Variants in FAM83B observed in about 807,000 individuals in gnomAD.
FAM83B encodes protein FAM83B.
A neutral mutation model predicts 38.8 loss-of-function variants in FAM83B; 26 were observed. That is an observed-to-expected ratio of 0.67 (90% confidence interval 0.49 to 0.93). The LOEUF is 0.93. FAM83B is among the 40% of genes least tolerant of loss of function. The pLI, the probability that FAM83B is intolerant of heterozygous loss-of-function variation, is 0.00. For missense variants in FAM83B, 1,237 were observed against 1,197.3 expected (o/e 1.03, Z -0.49); for synonymous variants, 419 against 423.1 (o/e 0.99, Z 0.12).
chr6:54,847,991 G>C (rs1771180762), intron 1 of FAM83B, among the ~76,000 whole-genome samples: 1 of 151,956 alleles, frequency 6.6e-6, no homozygotes, highest in African/African-American at 2.4e-5. Context: ...AAGTGCAAGA[G>C]CCCCGAGGAA....
intron 2 of FAM83B, among the ~76,000 whole-genome samples, chr6:54,914,976 A>G (rs1773001801): frequency 6.6e-6 from 1 of 152,190 alleles, no homozygotes; most frequent in Non-Finnish European, 1.5e-5. Flanking sequence ...ATTCTAAGGC[A>G]GACTTTTTCT....
chr6:54,846,674 G>A (rs926974976), upstream of FAM83B: 1 of 152,194 alleles, frequency 6.6e-6, no homozygotes, highest in East Asian at 1.9e-4. Flanking sequence ...GGCGCGGTTC[G>A]AGCCGGAATC....
chr6:54,867,692 T>C (rs955865611), intron 1 of FAM83B, among the ~76,000 whole-genome samples: 3 of 152,094 alleles, frequency 2.0e-5, no homozygotes, highest in Non-Finnish European at 4.4e-5. Flanking sequence ...AGGTCTGTGA[T>C]TTCAGAGTTT....
intron 2 of FAM83B, among the ~76,000 whole-genome samples, chr6:54,879,490 G>A (rs1392224983): frequency 6.6e-6 from 1 of 152,170 alleles, no homozygotes; most frequent in Non-Finnish European, 1.5e-5. Flanking sequence ...GAGAAACTGG[G>A]AAGGGGTCAC....
chr6:54,923,183 A>G (rs910827876), intron 2 of FAM83B, among the ~76,000 whole-genome samples: 7 of 152,078 alleles, frequency 4.6e-5, no homozygotes, highest in South Asian at 2.1e-4. Flanking sequence ...CTATATTAAC[A>G]TGTATATTTT....
chr6:54,883,636 G>GTAACAATACTTTTTTCAGT (rs1772195375), intron 2 of FAM83B, among the ~76,000 whole-genome samples: 1 of 151,632 alleles, frequency 6.6e-6, no homozygotes, highest in Non-Finnish European at 1.5e-5. Flanking sequence ...GCACCTGGCC[G>GTAACAATACTTTTTTCAGT]ATTGTTTAAA....
chr6:54,893,858 A>G (rs1313374988), intron 2 of FAM83B, among the ~76,000 whole-genome samples: 1 of 152,182 alleles, frequency 6.6e-6, no homozygotes, highest in East Asian at 1.9e-4. Context: ...TATAGTGCAC[A>G]TGTATGTATG....
chr6:54,922,854 C>T (rs1252339447), intron 2 of FAM83B, among the ~76,000 whole-genome samples: 1 of 152,000 alleles, frequency 6.6e-6, no homozygotes, highest in African/African-American at 2.4e-5. Context: ...TGCCATTTGC[C>T]TATTCTCAGG....
intron 4 of FAM83B, among the ~76,000 whole-genome samples, chr6:54,927,993 G>A (rs2127589046): frequency 6.6e-6 from 1 of 152,238 alleles, no homozygotes; most frequent in African/African-American, 2.4e-5. Flanking sequence ...AAAAACAGAA[G>A]CTATTTACCA....
Position 54,870,190 on chromosome 6 carries a change from C to A in FAM83B, c.-57C>A. On this transcript the variant is annotated 5_prime_UTR_variant, in exon 2 of 5. Transcript: ENST00000306858. Reference sequence around the variant, plus strand: ...TTTTCTTCTTTTCAAATACCAGATACTTCTCACCACTGCATGAATGGACAT... The same window carrying A: ...TTTTCTTCTTTTCAAATACCAGATAATTCTCACCACTGCATGAATGGACAT... 1 of 1,332,502 alleles carries A rather than the reference C, an allele frequency of 7.5e-7. No homozygotes were observed. Among genetic ancestry groups the A allele is most frequent in the Admixed American group, 1.9e-5 (1 of 52,156 alleles). The allele number at this position is 1,332,502 out of a possible 1,614,324, so 82.5% of individuals were successfully genotyped here. A position where few individuals can be genotyped will look rare whatever the true frequency, so the allele number is the denominator to read the frequency against.
At chr6:54,926,285 T>C (rs1773283693) in intron 2 of FAM83B, 86 bp from the exon 3 acceptor site, 1 of 796,444 alleles carries the variant, frequency 1.3e-6, no homozygotes, top group South Asian at 2.6e-5. Context: ...TTTAAAATTT[T>C]ATCTGACCTT....
At chr6:54,919,703 G>C (rs755743185) in intron 2 of FAM83B, among the ~76,000 whole-genome samples, 1 of 152,000 alleles carries the variant, frequency 6.6e-6, no homozygotes, top group Non-Finnish European at 1.5e-5. Context: ...AAGATGTCTA[G>C]TGTGACTCAG....
At chr6:54,923,983 T>C (rs1773227617) in intron 2 of FAM83B, among the ~76,000 whole-genome samples, 2 of 151,956 alleles carry the variant, frequency 1.3e-5, no homozygotes, top group South Asian at 4.2e-4. Flanking sequence ...CACTATTAAT[T>C]TTACTCTTTA....
intron 2 of FAM83B, among the ~76,000 whole-genome samples, chr6:54,878,855 A>T (rs1207999871): frequency 6.6e-6 from 1 of 152,212 alleles, no homozygotes; most frequent in Non-Finnish European, 1.5e-5. Context: ...AGCATATCAG[A>T]TATTACTAAA....
At chr6:54,889,748 T>G (rs1371831879) in intron 2 of FAM83B, among the ~76,000 whole-genome samples, 1 of 152,156 alleles carries the variant, frequency 6.6e-6, no homozygotes, top group African/African-American at 2.4e-5. Context: ...TGAGGATATA[T>G]GTGTAGACTT....
At chr6:54,867,834 CAT>C (rs1771756182) in intron 1 of FAM83B, among the ~76,000 whole-genome samples, 1 of 151,982 alleles carries the variant, frequency 6.6e-6, no homozygotes, top group South Asian at 2.1e-4. Context: ...TTTAACATCA[CAT>C]ATATAGGAAT....
chr6:54,915,137 ATAGT>A (rs1158534711), intron 2 of FAM83B, among the ~76,000 whole-genome samples: 9 of 152,040 alleles, frequency 5.9e-5, no homozygotes, highest in Non-Finnish European at 1.3e-4. Flanking sequence ...AAAAGCATAG[ATAGT>A]TAGATGGGTA....
At position 54,941,700 on chromosome 6, in the gene FAM83B, G is replaced by A. The variant is rs1237295552; in HGVS notation, c.2729G>A (p.Arg910Lys). Reference sequence around the variant, plus strand: ...ATTAATGCAGTTGTTACCCCTGAAAGAAGACCTACTTCTTCTCCAAGGCCA... The same window carrying A: ...ATTAATGCAGTTGTTACCCCTGAAAAAAGACCTACTTCTTCTCCAAGGCCA... ...REINAVVTPE[R>K]RPTSSPRPTS... is the part of the protein sequence containing the mutation. Residue 910 changes from arginine to lysine, a missense_variant, in exon 5 of 5, where the codon AGA becomes AAA. Coordinates refer to ENST00000306858, the MANE Select transcript of FAM83B (RefSeq NM_001010872.3). 1 of 1,613,984 alleles carries A rather than the reference G, an allele frequency of 6.2e-7. No individual in the cohort carries two copies. Among genetic ancestry groups the A allele is most frequent in the Non-Finnish European group, 8.5e-7 (1 of 1,180,020 alleles).
At chr6:54,913,744 CAT>C (rs1772970269) in intron 2 of FAM83B, among the ~76,000 whole-genome samples, 1 of 151,958 alleles carries the variant, frequency 6.6e-6, no homozygotes, top group Non-Finnish European at 1.5e-5. Context: ...AGTTTTCAAA[CAT>C]ATGTATATGA....
Sources: gnomAD v4.1 joint callset for allele counts (sites outside exome capture counted in the v4.1 genomes callset) on GRCh38, gnomAD v4.1.1 for gene constraint, MANE v1.5 for transcripts, NCBI Gene and HGNC (gene_info 2026-07-23, HGNC 2026-07-21) for gene names.